Variants in VTI1A observed in about 807,000 individuals in gnomAD.
The protein encoded by VTI1A is vesicle transport through interaction with t-SNAREs homolog 1A.
A neutral mutation model predicts 34.9 loss-of-function variants in VTI1A; 22 were observed. The observed-to-expected ratio is 0.63, with a 90% CI of 0.45 to 0.90. The LOEUF is 0.90. VTI1A is among the 40% of genes least tolerant of loss of function. The pLI is 0.00. For missense variants in VTI1A, 268 were observed against 275.6 expected (o/e 0.97, Z 0.20); for synonymous variants, 87 against 97.3 (o/e 0.89, Z 0.62).
At chr10:112,736,828 A>C (rs1850497326) in intron 7 of VTI1A, 1 of 1,196,316 alleles carries the variant, frequency 8.4e-7, no homozygotes, top group Admixed American at 2.0e-5. Context: ...TTCAATGAGA[A>C]GCCTTCTCAC....
rs190210053 is a variant in VTI1A at position 112,538,678 on chromosome 10, T to C, written c.427+348T>C. 321 of 183,676 alleles carry C rather than the reference T, an allele frequency of 1.7e-3. 1 individual carries two copies. Among genetic ancestry groups the C allele is most frequent in the African/African-American group, 7.2e-3 (308 of 42,582 alleles). 11.4% of individuals were successfully genotyped at this position (183,676 alleles called of 1,614,324 possible). A position where few individuals can be genotyped will look rare whatever the true frequency, so the allele number is the denominator to read the frequency against. ...ATCTCCAGTTTGCTCCTTTACGTTT[T>C]ATTCACATATGTAAAAATTAACATT... On this transcript the variant is annotated intron_variant, in intron 5 of 7. Transcript: ENST00000393077.
At chr10:112,503,381 G>C (rs1849312687) in intron 3 of VTI1A, among the ~76,000 whole-genome samples, 1 of 152,090 alleles carries the variant, frequency 6.6e-6, no homozygotes, top group African/African-American at 2.4e-5. Context: ...TCGTGTGCTT[G>C]ACTTATTTCA....
At chr10:112,576,350 C>T (rs905589732) in intron 5 of VTI1A, among the ~76,000 whole-genome samples, 1 of 152,230 alleles carries the variant, frequency 6.6e-6, no homozygotes, top group East Asian at 1.9e-4. Context: ...CCAGACCTAA[C>T]ATGTTCAAAA....
intron 5 of VTI1A, among the ~76,000 whole-genome samples, chr10:112,600,730 C>T (rs1411830856): frequency 6.6e-6 from 1 of 152,136 alleles, no homozygotes; most frequent in East Asian, 1.9e-4. Context: ...GTCTCTAGCT[C>T]CTAAAACAGT....
At chr10:112,727,592 G>A (rs531859960) in intron 7 of VTI1A, among the ~76,000 whole-genome samples, 3 of 152,276 alleles carry the variant, frequency 2.0e-5, no homozygotes, top group Non-Finnish European at 2.9e-5. Flanking sequence ...TGGAAGTTGT[G>A]AGGCTTTCGG....
At chr10:112,811,195 A>G (rs1399961121) in intron 7 of VTI1A, among the ~76,000 whole-genome samples, 3 of 152,166 alleles carry the variant, frequency 2.0e-5, no homozygotes, top group African/African-American at 7.2e-5. Context: ...TAATGACTGC[A>G]GGATCCAGGC....
chr10:112,595,541 G>T (rs1360089640), intron 5 of VTI1A, among the ~76,000 whole-genome samples: 1 of 152,156 alleles, frequency 6.6e-6, no homozygotes, highest in Non-Finnish European at 1.5e-5. Flanking sequence ...TATTTATGCA[G>T]CCAAAAGACA....
At chr10:112,446,992 A>C, upstream of VTI1A, 1 of 247,506 alleles carries the variant, frequency 4.0e-6, no homozygotes, top group African/African-American at 2.2e-5. Context: ...TCCGGAAGCA[A>C]GCTGCTGTGC....
chr10:112,597,891 G>A (rs1035168062), intron 5 of VTI1A, among the ~76,000 whole-genome samples: 18 of 150,758 alleles, frequency 1.2e-4, no homozygotes, highest in African/African-American at 3.6e-4. Flanking sequence ...TAGAGGCGGG[G>A]TTTCACCGCG....
At chr10:112,550,129 C>T (rs1330717180) in intron 5 of VTI1A, among the ~76,000 whole-genome samples, 1 of 152,098 alleles carries the variant, frequency 6.6e-6, no homozygotes, top group Non-Finnish European at 1.5e-5. Flanking sequence ...TATCACTTTT[C>T]CAGTTGGTTT....
intron 5 of VTI1A, among the ~76,000 whole-genome samples, chr10:112,576,843 A>G (rs185094129): frequency 6.3e-4 from 96 of 152,318 alleles, no homozygotes; most frequent in African/African-American, 2.2e-3. Flanking sequence ...TCACGTCACA[A>G]TTTATATTAC....
chr10:112,603,981 A>G (rs1844978850), intron 5 of VTI1A, among the ~76,000 whole-genome samples: 1 of 152,138 alleles, frequency 6.6e-6, no homozygotes, highest in South Asian at 2.1e-4. Flanking sequence ...TCCTGTGTCC[A>G]GTGTGCTGTC....
Position 112,572,788 on chromosome 10 carries a change from G to T in VTI1A, c.427+34458G>T, listed in dbSNP as rs565526878. On this transcript the variant is annotated intron_variant, in intron 5 of 7. Transcript: ENST00000393077. ...CGGGAGGCGGAGCTTGCAGTGAGCC[G>T]AGATCGCGCCACTACACTCCAGACT... 1.4e-4 allele frequency among the ~76,000 whole-genome samples: 21 copies of T among 150,118 alleles called. No individual in the cohort carries two copies. The South Asian group carries it at 4.0e-3, about 29-fold the overall frequency.
intron 5 of VTI1A, among the ~76,000 whole-genome samples, chr10:112,642,448 G>T (rs888964562): frequency 2.0e-5 from 3 of 152,250 alleles, no homozygotes; most frequent in African/African-American, 7.2e-5. Context: ...AGATGTGAAG[G>T]ATTCATGGTT....
Position 112,807,093 on chromosome 10 carries a change from C to T in VTI1A, c.561-8197C>T, listed in dbSNP as rs138290401. Among the ~76,000 whole-genome samples the T allele has an allele frequency of 3.1e-3, 466 of 152,282 alleles. 7 individuals are homozygous for T. Among genetic ancestry groups the T allele is most frequent in the African/African-American group, 0.011 (444 of 41,550 alleles). On this transcript the variant is annotated intron_variant, in intron 7 of 7. Transcript: ENST00000393077. ...GCTGCATGCAAAGCTTCTGTGAACT[C>T]GGCTGGGACTGACCTGTCCTTTGGA...
intron 5 of VTI1A, among the ~76,000 whole-genome samples, chr10:112,614,476 C>T (rs1845443448): frequency 6.6e-6 from 1 of 152,194 alleles, no homozygotes; most frequent in Non-Finnish European, 1.5e-5. Context: ...ATGGCTTCAT[C>T]ATGCCTGGTG....
chr10:112,721,556 A>C (rs962005929), intron 7 of VTI1A, among the ~76,000 whole-genome samples: 4 of 152,196 alleles, frequency 2.6e-5, no homozygotes, highest in Non-Finnish European at 5.9e-5. Context: ...TGATGAAACA[A>C]AGGCCTGAAG....
chr10:112,604,132 T>A (rs1445775982), intron 5 of VTI1A, among the ~76,000 whole-genome samples: 3 of 152,124 alleles, frequency 2.0e-5, no homozygotes, highest in African/African-American at 7.2e-5. Context: ...ATGATCTGTT[T>A]TGTTAATTTT....
intron 3 of VTI1A, among the ~76,000 whole-genome samples, chr10:112,522,833 G>A (rs955300672): frequency 6.6e-6 from 1 of 152,024 alleles, no homozygotes; most frequent in African/African-American, 2.4e-5. Context: ...CACATGGAAA[G>A]CATTATAAAT....
Sources: gnomAD v4.1 joint callset for allele counts (sites outside exome capture counted in the v4.1 genomes callset) on GRCh38, gnomAD v4.1.1 for gene constraint, MANE v1.5 for transcripts, NCBI Gene and HGNC (gene_info 2026-07-23, HGNC 2026-07-21) for gene names.